GRAMD4: variants seen among roughly 807,000 people sequenced by gnomAD.
The protein encoded by GRAMD4 is GRAM domain containing 4.
A neutral mutation model predicts 83.9 loss-of-function variants in GRAMD4; 25 were observed. The observed-to-expected ratio is 0.30, with a 90% CI of 0.22 to 0.42. The LOEUF (loss-of-function observed/expected upper bound fraction) is 0.42. GRAMD4 is among the 10% of genes least tolerant of loss of function. The probability of loss-of-function intolerance (pLI) is 1.00; values close to 1 mark genes in which losing one functional copy is unlikely to be tolerated. For synonymous variants in GRAMD4, 336 were observed against 320.9 expected (o/e 1.05, Z -0.50); for missense variants, 593 against 788.7 (o/e 0.75, Z 2.97).
chr22:46,643,645 C>T (rs925450092), intron 3 of GRAMD4, among the ~76,000 whole-genome samples: 2 of 152,158 alleles, frequency 1.3e-5, no homozygotes, highest in African/African-American at 4.8e-5. Flanking sequence ...TCACCTGGAG[C>T]AGTAGTTCTT....
chr22:46,580,468 T>TG (rs548806246), intron 1 of GRAMD4, among the ~76,000 whole-genome samples: 226 of 152,306 alleles, frequency 1.5e-3, no homozygotes, highest in African/African-American at 5.3e-3. Flanking sequence ...CAGGTGTGGC[T>TG]GGGGGGTCTG....
Position 46,677,136 on chromosome 22 carries a change from T to C in GRAMD4, c.1633-11T>C. 1 of 1,612,300 alleles carries C rather than the reference T, an allele frequency of 6.2e-7. No homozygotes were observed. The highest frequency in any genetic ancestry group is 8.5e-7 in the Non-Finnish European group (1 of 1,179,554). On this transcript the variant is annotated splice_polypyrimidine_tract_variant and intron_variant, in intron 18 of 18. Transcript: ENST00000406902. Reference sequence around the variant, plus strand: ...GTGCCATGCTCACTGGTGGCATTTCTTCCCTGCCAGCCGCTCGTGTTTGGT... The same window carrying C: ...GTGCCATGCTCACTGGTGGCATTTCCTCCCTGCCAGCCGCTCGTGTTTGGT...
intron 13 of GRAMD4, chr22:46,671,121 T>C (rs952207954): frequency 1.7e-5 from 8 of 468,916 alleles, no homozygotes; most frequent in Admixed American, 1.6e-4. Flanking sequence ...CAGCTGGGAC[T>C]TGGGCTCTCT....
At position 46,595,139 on chromosome 22, in the gene GRAMD4, C is replaced by G. The variant is rs1404207548; in HGVS notation, c.-50+17849C>G. On this transcript the variant is annotated intron_variant, in intron 1 of 1. Transcript: ENST00000431155. ...GGAGAGTGTGCCTTTCCCCTGGAGA[C>G]ACACAGGGTGGGGGAAGTGAAGTCA... is the stretch of plus-strand genomic sequence containing the variant. Among the ~76,000 whole-genome samples the G allele has an allele frequency of 2.0e-5, 3 of 152,118 alleles. No individual in the cohort carries two copies. The East Asian group carries it at 5.8e-4, about 29-fold the overall frequency.
chr22:46,628,244 G>T (rs1274984664), intron 2 of GRAMD4, among the ~76,000 whole-genome samples: 1 of 152,220 alleles, frequency 6.6e-6, no homozygotes, highest in Non-Finnish European at 1.5e-5. Flanking sequence ...CCATCCGTCT[G>T]TCCTGCTCCA....
At chr22:46,629,320 G>A (rs186883840) in intron 2 of GRAMD4, among the ~76,000 whole-genome samples, 14 of 152,318 alleles carry the variant, frequency 9.2e-5, no homozygotes, top group Admixed American at 8.5e-4. Context: ...AGGATCAAAT[G>A]AGATAATAAG....
upstream of GRAMD4, among the ~76,000 whole-genome samples, chr22:46,615,668 G>A (rs1170455880): frequency 4.8e-5 from 1 of 20,622 alleles, no homozygotes; most frequent in African/African-American, 1.1e-4. Flanking sequence ...TCCCCCGTGC[G>A]TAGGTTCCCC....
In GRAMD4 at chr22:46,637,960, C is replaced by T. The variant is rs2147223482; in HGVS notation, c.283C>T (p.Gln95Ter). ...TGCCTTATTGGAAAAACATTTCTTA[C>T]GTGAGTACCAGAAAGCGCTTGGAGG... ...EIALLEKHFL[Q>*]EELRKLREET... The change falls in exon 3 of 19, where the codon CAG (glutamine) becomes TAG (stop). Residue 95 changes from glutamine (Q) to a stop codon, truncating the protein, a stop_gained and splice_region_variant. Coordinates refer to ENST00000406902, the MANE Select transcript of GRAMD4 (RefSeq NM_015124.5). LOFTEE classifies it high-confidence loss of function. The T allele has an allele frequency of 6.2e-7, 1 of 1,613,402 alleles. No individual in the cohort carries two copies. Among genetic ancestry groups the T allele is most frequent in the Non-Finnish European group, 8.5e-7 (1 of 1,179,522 alleles).
chr22:46,664,128 C>T lies in GRAMD4; in HGVS notation c.717+11C>T. ...GCCATTGCCTTCACCGTGAGTGGGT[C>T]CTCCAGGGGCCGAGCAGGGTGGGTG... On this transcript the variant is annotated intron_variant, in intron 8 of 18. Coordinates refer to ENST00000406902, the MANE Select transcript of GRAMD4 (RefSeq NM_015124.5). 1 of 1,585,746 alleles carries T rather than the reference C, an allele frequency of 6.3e-7. No individual in the cohort carries two copies.
chr22:46,667,241 T>G (rs555207055), intron 10 of GRAMD4, among the ~76,000 whole-genome samples: 2 of 152,234 alleles, frequency 1.3e-5, no homozygotes, highest in African/African-American at 4.8e-5. Flanking sequence ...AGTGGACCTG[T>G]TCCCATCTGA....
chr22:46,653,641 G>A (rs974226600), intron 3 of GRAMD4, among the ~76,000 whole-genome samples: 2 of 152,214 alleles, frequency 1.3e-5, no homozygotes, highest in African/African-American at 4.8e-5. Context: ...ACTCCAGGAA[G>A]GGGCGTAGGG....
At chr22:46,654,374 G>A (rs1195501049) in intron 3 of GRAMD4, among the ~76,000 whole-genome samples, 1 of 152,234 alleles carries the variant, frequency 6.6e-6, no homozygotes. Flanking sequence ...GACCCACCCA[G>A]GCACCCTCTC....
At chr22:46,583,869 C>T (rs750033434) in intron 1 of GRAMD4, among the ~76,000 whole-genome samples, 26 of 152,180 alleles carry the variant, frequency 1.7e-4, no homozygotes, top group Admixed American at 3.9e-4. Flanking sequence ...GGTCACTACA[C>T]GCGGCCACAC....
intron 1 of GRAMD4, among the ~76,000 whole-genome samples, chr22:46,614,751 T>A (rs1266121396): frequency 6.6e-6 from 1 of 152,198 alleles, no homozygotes; most frequent in Non-Finnish European, 1.5e-5. Flanking sequence ...GACATGTGCC[T>A]GTGCGTGTAG....
At chr22:46,682,483 G>A (rs1369389909), downstream of GRAMD4, 9 of 975,742 alleles carry the variant, frequency 9.2e-6, no homozygotes, top group South Asian at 1.4e-4. Flanking sequence ...AGAAGCTCTC[G>A]AAGACCTGCC....
chr22:46,658,703 GGGGCCAGCCC>G (rs1174131065), intron 4 of GRAMD4, among the ~76,000 whole-genome samples: 2 of 151,982 alleles, frequency 1.3e-5, no homozygotes, highest in African/African-American at 4.8e-5. Context: ...CCCCACCCCG[GGGGCCAGCCC>G]GGCCTCTTAG....
chr22:46,666,372 G>A lies in GRAMD4; in HGVS notation c.810-453G>A, dbSNP rs550627207. ...GAGCTGTGATTCTGTACTTTGACTTGGCCGTTCAAAAGTTTGCACTTTTAT... is the reference window on the plus strand; with the variant it reads ...GAGCTGTGATTCTGTACTTTGACTTAGCCGTTCAAAAGTTTGCACTTTTAT... On this transcript the variant is annotated intron_variant, in intron 9 of 18. Transcript: ENST00000406902. 8.5e-5 allele frequency among the ~76,000 whole-genome samples: 13 copies of A among 152,342 alleles called. No homozygotes were observed. In the South Asian group the frequency reaches 2.7e-3, roughly 32 times the overall value.
intron 1 of GRAMD4, among the ~76,000 whole-genome samples, chr22:46,579,857 G>A (rs780405334): frequency 1.3e-4 from 20 of 152,280 alleles, no homozygotes; most frequent in Middle Eastern, 6.8e-3. Context: ...CCTGTATGTG[G>A]GCTTCTGTGT....
chr22:46,622,837 A>G lies in GRAMD4; in HGVS notation c.-50+2272A>G, dbSNP rs1028664462. ...TGAGGCAGGAGAATGGCGTGAACCC[A>G]GGAGGCGGATCTTGCAGTGAGCCGA... On this transcript the variant is annotated intron_variant, in intron 1 of 18. Transcript: ENST00000406902. The surrounding 1 kb of genome is among the most constrained non-coding windows in gnomAD (Gnocchi z 4.0). Among the ~76,000 whole-genome samples the G allele has an allele frequency of 9.9e-5, 15 of 151,090 alleles. No individual in the cohort carries two copies. Among genetic ancestry groups the G allele is most frequent in the East Asian group, 2.0e-4 (1 of 5,086 alleles).
Sources: gnomAD v4.1 joint callset for allele counts (sites outside exome capture counted in the v4.1 genomes callset) on GRCh38, gnomAD v4.1.1 for gene constraint, Gnocchi (gnomAD v3.1) non-coding constraint, MANE v1.5 for transcripts, NCBI Gene and HGNC (gene_info 2026-07-23, HGNC 2026-07-21) for gene names.